The following TRMT11 variants were observed in gnomAD, a reference collection of about 807,000 sequenced individuals.
TRMT11 encodes the protein tRNA methyltransferase 11.
Under a neutral mutation model 62.8 loss-of-function variants are expected in TRMT11, and 53 were observed. The observed-to-expected ratio is 0.84, with a 90% CI of 0.68 to 1.06. TRMT11 has a LOEUF of 1.06. Ranked by LOEUF, TRMT11 falls within the 50% of genes least tolerant of loss-of-function variation. The probability of loss-of-function intolerance (pLI) is 0.00; values close to 1 mark genes in which losing one functional copy is unlikely to be tolerated. For missense variants in TRMT11, 556 were observed against 553.4 expected (o/e 1.00, Z -0.05); for synonymous variants, 188 against 190.3 (o/e 0.99, Z 0.10).
chr6:126,064,380 A>T (rs553403237), intron 17 of TRMT11, among the ~76,000 whole-genome samples: 2 of 152,158 alleles, frequency 1.3e-5, no homozygotes, highest in African/African-American at 4.8e-5. Flanking sequence ...AGTACCTTCT[A>T]TTCTCAAAAC....
chr6:125,998,371 T>C (rs1327161927), intron 5 of TRMT11, 56 bp downstream of exon 5: 6 of 1,332,162 alleles, frequency 4.5e-6, no homozygotes, highest in Non-Finnish European at 6.4e-6. Flanking sequence ...CTGGCCATTG[T>C]TGATATATAG....
intron 18 of TRMT11, among the ~76,000 whole-genome samples, chr6:126,114,491 A>G (rs1777566378): frequency 6.6e-6 from 1 of 152,104 alleles, no homozygotes; most frequent in Admixed American, 6.6e-5. Flanking sequence ...AGGTTTTTGC[A>G]TGACCCAAGA....
At chr6:126,094,338 C>A (rs1366391683) in intron 17 of TRMT11, among the ~76,000 whole-genome samples, 1 of 152,166 alleles carries the variant, frequency 6.6e-6, no homozygotes, top group East Asian at 1.9e-4. Context: ...AAAGTGTGTT[C>A]TTTTAGAAAA....
the TRMT11 span, among the ~76,000 whole-genome samples, chr6:126,237,049 C>T: frequency 6.7e-6 from 1 of 149,526 alleles, no homozygotes; most frequent in South Asian, 2.1e-4. Flanking sequence ...TTTCTAGGTA[C>T]TTGACCTCCT....
chr6:126,247,559 T>G, the TRMT11 span, among the ~76,000 whole-genome samples: 1 of 146,342 alleles, frequency 6.8e-6, no homozygotes, highest in African/African-American at 2.5e-5. Flanking sequence ...TATAAATAAA[T>G]ATATAAATAT....
At chr6:126,066,523 C>G (rs1046931553) in intron 17 of TRMT11, among the ~76,000 whole-genome samples, 2 of 152,136 alleles carry the variant, frequency 1.3e-5, no homozygotes, top group Admixed American at 6.5e-5. Context: ...TCTCTTCTCA[C>G]AGGGACGCTA....
chr6:126,186,932 T>C (rs1778534450), intron 1 of TRMT11, among the ~76,000 whole-genome samples: 2 of 152,188 alleles, frequency 1.3e-5, no homozygotes, highest in Middle Eastern at 3.4e-3. Flanking sequence ...TGCCTATTAA[T>C]GATAAAAATT....
chr6:126,245,551 G>C, the TRMT11 span, among the ~76,000 whole-genome samples: 1 of 152,214 alleles, frequency 6.6e-6, no homozygotes, highest in Non-Finnish European at 1.5e-5. Context: ...ATCCACTTAG[G>C]GACAGATGGA....
intron 3 of TRMT11, among the ~76,000 whole-genome samples, chr6:126,200,664 C>T (rs1169896745): frequency 6.6e-6 from 1 of 152,192 alleles, no homozygotes; most frequent in African/African-American, 2.4e-5. Flanking sequence ...ACGACATTCT[C>T]CTGCCTCAGC....
At chr6:126,116,975 C>T (rs1182350985) in intron 21 of TRMT11, among the ~76,000 whole-genome samples, 1 of 151,954 alleles carries the variant, frequency 6.6e-6, no homozygotes. Flanking sequence ...AGAATTTTTG[C>T]GTATACAACA....
chr6:126,109,251 G>C (rs1777499211), intron 17 of TRMT11, among the ~76,000 whole-genome samples: 1 of 152,144 alleles, frequency 6.6e-6, no homozygotes, highest in African/African-American at 2.4e-5. Context: ...AAAAGGTTTT[G>C]GGAGGGGATG....
chr6:126,154,339 A>ATG (rs66827988), intron 21 of TRMT11, among the ~76,000 whole-genome samples: 2,780 of 122,922 alleles, frequency 0.023, 38 homozygotes, highest in African/African-American at 0.047. Context: ...GTGTGTGTGT[A>ATG]TGTGTGTGTG....
chr6:126,084,636 C>T (rs1777195025), intron 17 of TRMT11, among the ~76,000 whole-genome samples: 1 of 152,042 alleles, frequency 6.6e-6, no homozygotes, highest in South Asian at 2.1e-4. Context: ...AAATCATTGC[C>T]AAGGCCAATG....
At chr6:126,243,931 A>G in the TRMT11 span, among the ~76,000 whole-genome samples, 1 of 152,218 alleles carries the variant, frequency 6.6e-6, no homozygotes, top group South Asian at 2.1e-4. Context: ...TTAAAGTATA[A>G]TAAAAAAAGG....
chr6:126,014,768 T>C (rs1307442701), intron 11 of TRMT11, among the ~76,000 whole-genome samples: 1 of 152,202 alleles, frequency 6.6e-6, no homozygotes, highest in Non-Finnish European at 1.5e-5. Context: ...GAGTTTTTTT[T>C]TGTTGCTAAT....
At chr6:126,087,084 T>G (rs1305775772) in intron 17 of TRMT11, among the ~76,000 whole-genome samples, 2 of 152,196 alleles carry the variant, frequency 1.3e-5, no homozygotes, top group East Asian at 3.8e-4. Flanking sequence ...ATCTAAGAGT[T>G]TCCTACTCCC....
At chr6:126,205,672 C>G (rs1041982681), downstream of TRMT11, among the ~76,000 whole-genome samples, 1 of 152,024 alleles carries the variant, frequency 6.6e-6, no homozygotes, top group Non-Finnish European at 1.5e-5. Context: ...CATCTATGTT[C>G]TTTCCTTGGG....
intron 17 of TRMT11, among the ~76,000 whole-genome samples, chr6:126,109,112 T>C (rs562223389): frequency 6.6e-6 from 1 of 152,174 alleles, no homozygotes. Context: ...TCAAATACTT[T>C]GGTGTGTGTT....
At chr6:126,026,414 T>C (rs1002505568) in intron 12 of TRMT11, among the ~76,000 whole-genome samples, 1 of 151,968 alleles carries the variant, frequency 6.6e-6, no homozygotes, top group Non-Finnish European at 1.5e-5. Context: ...TGAGATAGAG[T>C]CTTACTCTGT....
Sources: allele counts gnomAD v4.1 joint callset (sites outside exome capture counted in the v4.1 genomes callset), GRCh38; gene constraint gnomAD v4.1.1; transcripts MANE v1.5; gene names NCBI Gene and HGNC (gene_info 2026-07-23, HGNC 2026-07-21).